The following ZC4H2 variants were observed in gnomAD, a reference collection of about 807,000 sequenced individuals.
The protein encoded by ZC4H2 is zinc finger C4H2 domain-containing protein.
For missense variants in ZC4H2, 137 were observed against 173.9 expected (o/e 0.79, Z 1.19); for synonymous variants, 84 against 66.3 (o/e 1.27, Z -1.30).
rs758344246 is a variant in ZC4H2 at position 64,989,251 on chromosome X, T to C, written c.-272+45378A>G. Among the ~76,000 whole-genome samples, 10 of 112,219 alleles carry C rather than the reference T, an allele frequency of 8.9e-5. No homozygotes were observed. In the South Asian group the frequency reaches 3.7e-3, roughly 42 times the overall value. ...TTTAAAGTAGTTTTTTCCAATTCTGTGAAGAAAGTCATTGGTAGCTTGATG... is the reference window on the plus strand; with the variant it reads ...TTTAAAGTAGTTTTTTCCAATTCTGCGAAGAAAGTCATTGGTAGCTTGATG... On this transcript the variant is annotated intron_variant, in intron 1 of 4. Coordinates refer to the ZC4H2 transcript ENST00000337990.
At chrX:65,013,298 T>C (rs770486678) in intron 1 of ZC4H2, among the ~76,000 whole-genome samples, 3 of 111,543 alleles carry the variant, frequency 2.7e-5, no homozygotes, top group Non-Finnish European at 5.6e-5. Flanking sequence ...AGTATTCATG[T>C]AATAGGTAAA....
chrX:65,030,454 C>T (rs1461628339), intron 1 of ZC4H2, among the ~76,000 whole-genome samples: 2 of 111,963 alleles, frequency 1.8e-5, no homozygotes, highest in African/African-American at 3.2e-5. Context: ...ATTCAAGGAG[C>T]TTTCTCAGAA....
chrX:65,002,378 G>A (rs7881640), intron 1 of ZC4H2, among the ~76,000 whole-genome samples: 94 of 108,620 alleles, frequency 8.7e-4, no homozygotes, highest in African/African-American at 2.3e-3. Context: ...CCGGCCAGCC[G>A]CCCCGTCCGG....
rs1280762661 is a variant in ZC4H2 at position 64,920,167 on chromosome X, C to T, written c.312G>A (p.Leu104=). ...TRRLHDEYKP[L]KEHVDALRMT... ...TGCGCAGGGCATCCACATGTTCTTTCAGTGGCTTATACTCATCATGCAGCC... is the reference window on the plus strand; with the variant it reads ...TGCGCAGGGCATCCACATGTTCTTTTAGTGGCTTATACTCATCATGCAGCC... Residue 104 remains leucine, a synonymous_variant, in exon 3 of 5, where the codon CTG becomes CTA. Coordinates refer to ENST00000374839, the MANE Select transcript of ZC4H2 (RefSeq NM_018684.4). The T allele has an allele frequency of 1.4e-5, 17 of 1,209,948 alleles. No individual in the cohort carries two copies. The highest frequency in any genetic ancestry group is 2.3e-4 in the Middle Eastern group (1 of 4,376).
chrX:64,942,327 C>T (rs5918901), intron 1 of ZC4H2, among the ~76,000 whole-genome samples: 7,239 of 110,471 alleles, frequency 0.066, 280 homozygotes, highest in Non-Finnish European at 0.11. Context: ...GTTAATCTTT[C>T]CCAAAACCAG....
intron 1 of ZC4H2, among the ~76,000 whole-genome samples, chrX:64,930,250 C>G (rs1302656002): frequency 4.5e-5 from 5 of 111,728 alleles, no homozygotes; most frequent in African/African-American, 1.6e-4. Flanking sequence ...ATTCGTTTAT[C>G]AGGCCAAGGA....
chrX:65,029,987 G>T (rs1932918435), intron 1 of ZC4H2, among the ~76,000 whole-genome samples: 1 of 112,100 alleles, frequency 8.9e-6, no homozygotes, highest in Non-Finnish European at 1.9e-5. Context: ...AGGTCATAGT[G>T]ATGTTCTTCA....
chrX:65,019,259 G>A (rs977001659), intron 1 of ZC4H2, among the ~76,000 whole-genome samples: 1 of 112,072 alleles, frequency 8.9e-6, no homozygotes. Flanking sequence ...CCCAGCAGGG[G>A]CCGAAAGACA....
At chrX:65,031,531 GA>G (rs1193107314) in intron 1 of ZC4H2, among the ~76,000 whole-genome samples, 20 of 104,018 alleles carry the variant, frequency 1.9e-4, no homozygotes, top group African/African-American at 5.9e-4. Context: ...GGTGAATAAG[GA>G]AAAAAAAAAG....
chrX:65,012,864 G>A (rs1052822015), intron 1 of ZC4H2, among the ~76,000 whole-genome samples: 4 of 111,393 alleles, frequency 3.6e-5, no homozygotes, highest in African/African-American at 9.9e-5. Flanking sequence ...ATCCATATTC[G>A]TGGCAGGAAA....
intron 1 of ZC4H2, 122 bp from the exon 2 acceptor site, chrX:64,922,110 A>C (rs1264740976): frequency 9.1e-7 from 1 of 1,096,313 alleles, no homozygotes; most frequent in Non-Finnish European, 1.2e-6. Context: ...AGCCAACCTG[A>C]GGCCATCTCA....
At chrX:64,952,870 C>A (rs1479167998) in intron 1 of ZC4H2, among the ~76,000 whole-genome samples, 23 of 111,238 alleles carry the variant, frequency 2.1e-4, no homozygotes, top group Non-Finnish European at 1.1e-4. Context: ...CCAAGTCAAC[C>A]CTAAGCCAAA....
chrX:65,003,487 TGAA>T (rs1932591499), intron 1 of ZC4H2, among the ~76,000 whole-genome samples: 1 of 111,534 alleles, frequency 9.0e-6, no homozygotes, highest in South Asian at 3.7e-4. Context: ...AATCAATGAA[TGAA>T]GAAGCTCGTT....
intron 1 of ZC4H2, among the ~76,000 whole-genome samples, chrX:64,936,057 C>A (rs1193762840): frequency 9.1e-6 from 1 of 109,648 alleles, no homozygotes; most frequent in Non-Finnish European, 1.9e-5. Context: ...ACTAGAATAA[C>A]CAGTTTAGAG....
At chrX:64,934,674 G>A (rs1929910165) in intron 1 of ZC4H2, among the ~76,000 whole-genome samples, 1 of 112,031 alleles carries the variant, frequency 8.9e-6, no homozygotes, top group East Asian at 2.8e-4. Flanking sequence ...TGGACAGTGG[G>A]TGCAGACCAA....
intron 1 of ZC4H2, among the ~76,000 whole-genome samples, chrX:64,965,930 C>A: frequency 1.1e-5 from 1 of 88,830 alleles, no homozygotes. Context: ...GGAGTGATAT[C>A]CTGTTTCAAA....
intron 1 of ZC4H2, among the ~76,000 whole-genome samples, chrX:65,033,973 C>T (rs1932971999): frequency 9.1e-6 from 1 of 109,765 alleles, no homozygotes; most frequent in Non-Finnish European, 1.9e-5. Flanking sequence ...CCTGTAGTCC[C>T]AGCTACTTGG....
intron 4 of ZC4H2, chrX:64,918,799 G>A (rs777986421): frequency 2.5e-4 from 72 of 287,242 alleles, no homozygotes; most frequent in African/African-American, 1.7e-3. Context: ...TTTTAGAATT[G>A]CACTCTAGCA....
chrX:64,944,437 C>T (rs1376055663), intron 1 of ZC4H2, among the ~76,000 whole-genome samples: 2 of 111,292 alleles, frequency 1.8e-5, no homozygotes, highest in South Asian at 3.8e-4. Context: ...AGGGTTTCTG[C>T]AGAGAGATCC....
Sources: allele counts gnomAD v4.1 joint callset (sites outside exome capture counted in the v4.1 genomes callset), GRCh38; gene constraint gnomAD v4.1.1; transcripts MANE v1.5; gene names NCBI Gene and HGNC (gene_info 2026-07-23, HGNC 2026-07-21).